DENND4C: variants seen among roughly 807,000 people sequenced by gnomAD.
DENND4C encodes DENN domain containing 4C.
In DENND4C, 108 loss-of-function variants were observed where a neutral mutation model predicts 203.0. That is an observed-to-expected ratio of 0.53 (90% CI 0.46 to 0.62). DENND4C has a LOEUF of 0.62. DENND4C is among the 20% of genes least tolerant of loss of function. DENND4C has a pLI of 0.00. For missense variants in DENND4C, 2,481 were observed against 2,301.2 expected (o/e 1.08, Z -1.60); for synonymous variants, 871 against 792.4 (o/e 1.10, Z -1.67).
In DENND4C at chr9:19,346,171, A is replaced by G. The variant is rs1372471323; in HGVS notation, c.3402A>G (p.Thr1134=). The G allele has an allele frequency of 5.0e-6, 8 of 1,614,140 alleles. No homozygotes were observed. Among genetic ancestry groups the G allele is most frequent in the Non-Finnish European group, 6.8e-6 (8 of 1,180,056 alleles). Residue 1134 remains threonine (T), a synonymous_variant, in exon 23 of 33, where the codon ACA becomes ACG. Coordinates refer to ENST00000434457, the MANE Select transcript of DENND4C (RefSeq NM_001330640.2). Reference sequence around the variant, plus strand: ...CCAAGATTCTCACAGCAGCATTGACATGTCCTAAGACTTCTCTACTTCATA... The same window carrying G: ...CCAAGATTCTCACAGCAGCATTGACGTGTCCTAAGACTTCTCTACTTCATA... ...ADAKILTAAL[T]CPKTSLLHIA...
chr9:19,272,603 A>T (rs1263384209), intron 1 of DENND4C, among the ~76,000 whole-genome samples: 2 of 152,054 alleles, frequency 1.3e-5, no homozygotes, highest in East Asian at 3.9e-4. Context: ...GGATATCCAT[A>T]TGTAAAAAAA....
At chr9:19,247,317 G>A (rs1825535766) in intron 1 of DENND4C, among the ~76,000 whole-genome samples, 1 of 151,988 alleles carries the variant, frequency 6.6e-6, no homozygotes, top group African/African-American at 2.4e-5. Context: ...TAATGCTATG[G>A]CTGTAAGCAT....
chr9:19,363,513 TA>T (rs1259497753), intron 30 of DENND4C, among the ~76,000 whole-genome samples: 1 of 151,070 alleles, frequency 6.6e-6, no homozygotes, highest in African/African-American at 2.4e-5. Flanking sequence ...AAAAAAAAAT[TA>T]AAAAAACATT....
chr9:19,231,873 C>T (rs1399750002), intron 1 of DENND4C, among the ~76,000 whole-genome samples: 1 of 151,674 alleles, frequency 6.6e-6, no homozygotes, highest in East Asian at 1.9e-4. Context: ...CCCTAATTTA[C>T]GTAGGAATAG....
At chr9:19,282,168 A>G (rs1834181599) in intron 2 of DENND4C, among the ~76,000 whole-genome samples, 1 of 151,356 alleles carries the variant, frequency 6.6e-6, no homozygotes, top group African/African-American at 2.4e-5. Flanking sequence ...CACTTACCAT[A>G]CAGCTGTACA....
At chr9:19,280,140 G>GCCTTCCTGCCTACCTGCCTGCCTTCCTC (rs1833747188) in intron 2 of DENND4C, among the ~76,000 whole-genome samples, 2 of 149,222 alleles carry the variant, frequency 1.3e-5, no homozygotes, top group East Asian at 2.0e-4. Context: ...CTACCTGCCT[G>GCCTTCCTGCCTACCTGCCTGCCTTCCTC]CCTTCCTCCC....
chr9:19,365,729 A>C (rs1378736958), intron 30 of DENND4C, among the ~76,000 whole-genome samples: 1 of 151,414 alleles, frequency 6.6e-6, no homozygotes, highest in Non-Finnish European at 1.5e-5. Flanking sequence ...AAGTTCAGCA[A>C]GGTTCCAGGC....
intron 23 of DENND4C, among the ~76,000 whole-genome samples, chr9:19,350,290 A>G (rs976013984): frequency 2.0e-5 from 3 of 152,250 alleles, no homozygotes; most frequent in Non-Finnish European, 2.9e-5. Flanking sequence ...AAAGAAGTTT[A>G]GTAATTTCTG....
At chr9:19,295,947 AAG>A in intron 5 of DENND4C, 59 bp from the exon 6 acceptor site, 2 of 1,273,920 alleles carry the variant, frequency 1.6e-6, no homozygotes, top group Non-Finnish European at 2.2e-6. Flanking sequence ...ATAAGAAAAA[AAG>A]AGAAGTTAAT....
chr9:19,244,093 C>G (rs1824484585), intron 1 of DENND4C, among the ~76,000 whole-genome samples: 1 of 152,036 alleles, frequency 6.6e-6, no homozygotes, highest in Admixed American at 6.6e-5. Context: ...TGCAGTGGCG[C>G]AATCTCGGCT....
At chr9:19,350,177 A>G (rs1398343735) in intron 23 of DENND4C, among the ~76,000 whole-genome samples, 1 of 152,210 alleles carries the variant, frequency 6.6e-6, no homozygotes, top group Non-Finnish European at 1.5e-5. Flanking sequence ...TAATATTGAT[A>G]TTTGTTATTC....
chr9:19,343,587 G>A (rs914412870), intron 22 of DENND4C, among the ~76,000 whole-genome samples: 34 of 152,184 alleles, frequency 2.2e-4, no homozygotes, highest in African/African-American at 7.7e-4. Flanking sequence ...CCGTGACTCC[G>A]AGTTTCACTC....
chr9:19,361,780 G>A (rs1435236581), intron 29 of DENND4C, 66 bp from the exon 30 acceptor site: 1 of 953,418 alleles, frequency 1.0e-6, no homozygotes, highest in African/African-American at 1.7e-5. Context: ...ATATAATCAA[G>A]CTTCACTAGA....
intron 26 of DENND4C, among the ~76,000 whole-genome samples, 186 bp from the exon 27 acceptor site, chr9:19,356,786 T>A (rs1006626002): frequency 2.1e-4 from 25 of 118,768 alleles, no homozygotes; most frequent in African/African-American, 9.0e-4. Flanking sequence ...TGTGTGTGTG[T>A]GTGAGAGAGA....
chr9:19,297,302 C>A (rs1355386786), intron 6 of DENND4C, among the ~76,000 whole-genome samples: 1 of 152,044 alleles, frequency 6.6e-6, no homozygotes, highest in East Asian at 1.9e-4. Flanking sequence ...GTCCAAAAAT[C>A]AACTTTAAAA....
At chr9:19,328,653 G>A (rs79714225) in intron 16 of DENND4C, among the ~76,000 whole-genome samples, 4,769 of 84,240 alleles carry the variant, frequency 0.057, 75 homozygotes, top group East Asian at 0.15. Context: ...CTGTCTGTCT[G>A]TCTGTCTATC....
At chr9:19,334,745 C>T (rs549265188) in intron 17 of DENND4C, among the ~76,000 whole-genome samples, 119 of 152,078 alleles carry the variant, frequency 7.8e-4, no homozygotes, top group African/African-American at 2.8e-3. Flanking sequence ...AGGTTGGTCT[C>T]GAACTCCTGA....
chr9:19,235,786 A>G (rs1188128298), intron 1 of DENND4C, among the ~76,000 whole-genome samples: 1 of 151,572 alleles, frequency 6.6e-6, no homozygotes, highest in Non-Finnish European at 1.5e-5. Flanking sequence ...GATTTTTCGT[A>G]TTTTTAGTAG....
At chr9:19,327,918 T>TA (rs1818165103) in intron 15 of DENND4C, 112 bp from the exon 16 acceptor site, 34 of 1,027,676 alleles carry the variant, frequency 3.3e-5, no homozygotes, top group Middle Eastern at 3.2e-4. Flanking sequence ...TATAAGCATT[T>TA]AAAATAATGT....
Sources: allele counts gnomAD v4.1 joint callset (sites outside exome capture counted in the v4.1 genomes callset), GRCh38; gene constraint gnomAD v4.1.1; transcripts MANE v1.5; gene names NCBI Gene and HGNC (gene_info 2026-07-23, HGNC 2026-07-21).